Variants in SPHKAP observed in about 807,000 individuals in gnomAD.
SPHKAP encodes SPHK1 interactor, AKAP domain containing, also known as A-kinase anchor protein SPHKAP.
A neutral mutation model predicts 137.5 loss-of-function variants in SPHKAP; 67 were observed. That is an observed-to-expected ratio of 0.49 (90% CI 0.40 to 0.60). SPHKAP has a LOEUF of 0.60. SPHKAP is among the 20% of genes least tolerant of loss of function. SPHKAP has a pLI of 0.00. For synonymous variants in SPHKAP, 813 were observed against 785.3 expected (o/e 1.04, Z -0.59); for missense variants, 2,097 against 2,069.3 (o/e 1.01, Z -0.26).
chr2:227,981,460 A>G lies in SPHKAP; in HGVS notation c.*257T>C, dbSNP rs1692990434. The G allele has an allele frequency of 2.7e-5, 8 of 301,538 alleles. No individual in the cohort carries two copies. The South Asian group carries it at 8.1e-4, about 30-fold the overall frequency. The allele number at this position is 301,538 out of a possible 1,614,324, so 18.7% of individuals were successfully genotyped here. Reference sequence around the variant, plus strand: ...TTATAAGCATTCTAATTTGGGCCCCATTGAATTCTCTCTTTGTCCAGCCCT... The same window carrying G: ...TTATAAGCATTCTAATTTGGGCCCCGTTGAATTCTCTCTTTGTCCAGCCCT... On this transcript the variant is annotated 3_prime_UTR_variant, in exon 12 of 12. Transcript: ENST00000392056.
chr2:228,046,294 T>C (rs1696052546), intron 3 of SPHKAP, among the ~76,000 whole-genome samples: 1 of 146,538 alleles, frequency 6.8e-6, no homozygotes, highest in South Asian at 2.2e-4. Flanking sequence ...TGTTATTCTT[T>C]TTTTTTTTTT....
intron 3 of SPHKAP, among the ~76,000 whole-genome samples, chr2:228,079,465 C>G (rs560252016): frequency 2.2e-4 from 33 of 152,294 alleles, no homozygotes; most frequent in African/African-American, 7.5e-4. Context: ...GCAGGCTGGA[C>G]CCCATGGAGT....
intron 11 of SPHKAP, among the ~76,000 whole-genome samples, chr2:227,989,718 G>A (rs1693341872): frequency 6.6e-6 from 1 of 151,420 alleles, no homozygotes; most frequent in Non-Finnish European, 1.5e-5. Context: ...CGATTCTCCT[G>A]TCTCAGCCTC....
In SPHKAP at chr2:228,016,582, C is replaced by A. The variant is rs755848234; in HGVS notation, c.4272G>T (p.Arg1424Ser). Residue 1424 changes from arginine (R) to serine (S), a missense_variant, in exon 7 of 12, where the codon AGG becomes AGT. Coordinates refer to ENST00000392056, the MANE Select transcript of SPHKAP (RefSeq NM_001142644.2). ...TTTCAATCTGAATCAAAGGCACTTC[C>A]CTCGAGCAAAGTGATCGCCTTTTGT... ...INHKRRSLCS[R>S]EVPLIQIETD... The A allele has an allele frequency of 1.2e-5, 19 of 1,614,072 alleles. No homozygotes were observed. Among genetic ancestry groups the A allele is most frequent in the Non-Finnish European group, 1.6e-5 (19 of 1,180,018 alleles).
At chr2:228,035,054 T>A (rs1484882170) in intron 3 of SPHKAP, among the ~76,000 whole-genome samples, 17 of 148,974 alleles carry the variant, frequency 1.1e-4, no homozygotes, top group South Asian at 2.2e-4. Context: ...GAGAAGGAAA[T>A]AAAGGGTATT....
In SPHKAP at chr2:228,021,985, G is replaced by T. The variant is rs1406894565; in HGVS notation, c.442-19C>A. 6.4e-7 allele frequency: 1 copy of T among 1,560,138 alleles called. No individual in the cohort carries two copies. The highest frequency in any genetic ancestry group is 8.6e-7 in the Non-Finnish European group (1 of 1,156,924). On this transcript the variant is annotated intron_variant, in intron 5 of 11. Transcript: ENST00000392056. Reference sequence around the variant, plus strand: ...AAGGGCACTAAAAGTGGAGAGAAAAGAAGGCATTTATTCAAAAGGGAAAAT... The same window carrying T: ...AAGGGCACTAAAAGTGGAGAGAAAATAAGGCATTTATTCAAAAGGGAAAAT...
chr2:228,010,295 G>C (rs965620636), intron 7 of SPHKAP, among the ~76,000 whole-genome samples: 1 of 152,320 alleles, frequency 6.6e-6, no homozygotes, highest in East Asian at 1.9e-4. Context: ...GGGAGGCAGA[G>C]GCAGGTGGAT....
intron 1 of SPHKAP, among the ~76,000 whole-genome samples, chr2:228,178,755 G>C (rs75819748): frequency 0.031 from 4,643 of 151,846 alleles, 95 homozygotes; most frequent in Non-Finnish European, 0.048. Flanking sequence ...GCACAGCTTG[G>C]TTTCCTTATG....
rs938950645 is a variant in SPHKAP, at chr2:228,107,650, G to A, written c.246+1182C>T. On this transcript the variant is annotated intron_variant, in intron 3 of 11. Transcript: ENST00000392056. Reference sequence around the variant, plus strand: ...TTCAAATCACAACTTTGACCAAAGCGTGTCTGCTGATAGCTTTTCCTCTCC... The same window carrying A: ...TTCAAATCACAACTTTGACCAAAGCATGTCTGCTGATAGCTTTTCCTCTCC... Among the ~76,000 whole-genome samples, 6 of 151,988 alleles carry A rather than the reference G, an allele frequency of 3.9e-5. No homozygotes were observed. The South Asian group carries it at 8.3e-4, about 21-fold the overall frequency.
At chr2:228,154,325 A>C (rs1291473959) in intron 1 of SPHKAP, among the ~76,000 whole-genome samples, 2 of 151,520 alleles carry the variant, frequency 1.3e-5, no homozygotes, top group Non-Finnish European at 2.9e-5. Context: ...CTTAACTTGT[A>C]AAGAATATTA....
Position 228,181,557 on chromosome 2 carries a change from C to G in SPHKAP, c.32+10G>C. ...ACATGGTATTGGGCATAGAAAGAAG[C>G]GGGTCTTACCTTGGTACCGAGAGCA... On this transcript the variant is annotated intron_variant, in intron 1 of 11. Coordinates refer to ENST00000392056, the MANE Select transcript of SPHKAP (RefSeq NM_001142644.2). This position sits in a 1 kb window ranked among gnomAD's most constrained non-coding sequence, Gnocchi z 4.3. 6.2e-7 allele frequency: 1 copy of G among 1,614,190 alleles called. No individual in the cohort carries two copies. The highest frequency in any genetic ancestry group is 8.5e-7 in the Non-Finnish European group (1 of 1,180,026).
intron 3 of SPHKAP, among the ~76,000 whole-genome samples, chr2:228,059,911 T>C (rs779686143): frequency 2.0e-5 from 3 of 152,210 alleles, no homozygotes; most frequent in Non-Finnish European, 4.4e-5. Flanking sequence ...TAAGTGCTTG[T>C]ACATAACTTA....
intron 2 of SPHKAP, among the ~76,000 whole-genome samples, chr2:228,123,380 G>C (rs554090059): frequency 6.6e-6 from 1 of 152,208 alleles, no homozygotes; most frequent in African/African-American, 2.4e-5. Flanking sequence ...TAGGTCAGAA[G>C]AGAGTGTTTG....
At chr2:228,162,138 C>T (rs1700293849) in intron 1 of SPHKAP, among the ~76,000 whole-genome samples, 1 of 152,124 alleles carries the variant, frequency 6.6e-6, no homozygotes, top group East Asian at 1.9e-4. Flanking sequence ...AACCCTTGAG[C>T]CATGTAGAGT....
chr2:228,029,891 TATC>T (rs1695214049), intron 3 of SPHKAP, among the ~76,000 whole-genome samples: 1 of 152,138 alleles, frequency 6.6e-6, no homozygotes, highest in African/African-American at 2.4e-5. Flanking sequence ...AAGCTTTTAT[TATC>T]ATGCATCACA....
intron 3 of SPHKAP, among the ~76,000 whole-genome samples, chr2:228,093,782 C>T (rs977309950): frequency 7.1e-5 from 10 of 141,780 alleles, no homozygotes; most frequent in South Asian, 2.3e-4. Context: ...CGTTTGAACC[C>T]GGGAGGCGGA....
chr2:227,998,296 C>G (rs888470464), intron 7 of SPHKAP, among the ~76,000 whole-genome samples: 2 of 152,120 alleles, frequency 1.3e-5, no homozygotes, highest in Non-Finnish European at 2.9e-5. Flanking sequence ...CTGCGCCCGG[C>G]CTTTAGGGTT....
At chr2:228,000,540 C>T (rs918296521) in intron 7 of SPHKAP, among the ~76,000 whole-genome samples, 10 of 151,990 alleles carry the variant, frequency 6.6e-5, no homozygotes, top group Admixed American at 5.9e-4. Context: ...ATCGCTTGAA[C>T]CCATGAGGTG....
intron 5 of SPHKAP, among the ~76,000 whole-genome samples, chr2:228,024,516 T>C (rs1256840887): frequency 6.6e-6 from 1 of 152,130 alleles, no homozygotes; most frequent in Non-Finnish European, 1.5e-5. Flanking sequence ...GAGATGTGAT[T>C]ACCTGGAAAT....
Sources: gnomAD v4.1 joint callset for allele counts (sites outside exome capture counted in the v4.1 genomes callset) on GRCh38, gnomAD v4.1.1 for gene constraint, Gnocchi (gnomAD v3.1) non-coding constraint, MANE v1.5 for transcripts, NCBI Gene and HGNC (gene_info 2026-07-23, HGNC 2026-07-21) for gene names.